Variants in ADGRV1 observed in about 807,000 individuals in gnomAD.
The protein encoded by ADGRV1 is G-protein coupled receptor 98.
In ADGRV1, 359 loss-of-function variants were observed where a neutral mutation model predicts 596.2. That is an observed-to-expected ratio of 0.60 (90% CI 0.55 to 0.66). The LOEUF (loss-of-function observed/expected upper bound fraction) is 0.66, where lower values mean the gene tolerates loss of function less well. Among genes scored for constraint, ADGRV1 ranks in the 30% least tolerant of loss-of-function variants. ADGRV1 has a pLI of 0.00. For synonymous variants in ADGRV1, 2,681 were observed against 2,679.2 expected, an observed-to-expected ratio of 1.00 and a Z score of -0.02; for missense variants, 7,274 against 7,575.6, an observed-to-expected ratio of 0.96 and a Z score of 1.48.
At chr5:90,933,694 T>G (rs766491917) in intron 83 of ADGRV1, among the ~76,000 whole-genome samples, 1 of 152,186 alleles carries the variant, frequency 6.6e-6, no homozygotes, top group Non-Finnish European at 1.5e-5. Flanking sequence ...AGGCCTCTAC[T>G]TGGTTCTCCC....
intron 83 of ADGRV1, among the ~76,000 whole-genome samples, chr5:90,928,210 A>G: frequency 6.6e-6 from 1 of 152,056 alleles, no homozygotes; most frequent in Non-Finnish European, 1.5e-5. Flanking sequence ...TCTCCTGGAT[A>G]ATATCCTGCA....
At chr5:90,932,135 C>T (rs918960706) in intron 83 of ADGRV1, among the ~76,000 whole-genome samples, 2 of 152,138 alleles carry the variant, frequency 1.3e-5, no homozygotes, top group Non-Finnish European at 2.9e-5. Flanking sequence ...ATCATTTTAG[C>T]AGGTGAGAGA....
chr5:91,122,954 C>T (rs552583860), intron 87 of ADGRV1, among the ~76,000 whole-genome samples: 1 of 152,210 alleles, frequency 6.6e-6, no homozygotes, highest in Non-Finnish European at 1.5e-5. Flanking sequence ...GCCTGTTTCT[C>T]CTACTCCTGG....
At chr5:90,985,738 A>T (rs1274145649) in intron 85 of ADGRV1, among the ~76,000 whole-genome samples, 1 of 152,202 alleles carries the variant, frequency 6.6e-6, no homozygotes, top group African/African-American at 2.4e-5. Context: ...TTGGTGTATC[A>T]AACAGTTCAT....
rs930308798 is a variant in ADGRV1, at chr5:90,681,479, C to A, written c.5664+25C>A. The A allele has an allele frequency of 2.5e-6, 4 of 1,590,802 alleles. No homozygotes were observed. The African/African-American group carries it at 5.4e-5, about 21-fold the overall frequency. On this transcript the variant is annotated intron_variant, in intron 27 of 89. Coordinates refer to ENST00000405460, the MANE Select transcript of ADGRV1 (RefSeq NM_032119.4). ...TGTGAGTACCTTTTCTTCCTTCATT[C>A]CTAGACACTTTCTGTTGTTTTAAAA... is the stretch of plus-strand genomic sequence containing the variant.
intron 61 of ADGRV1, among the ~76,000 whole-genome samples, chr5:90,776,800 T>C (rs188209832): frequency 6.6e-6 from 1 of 152,234 alleles, no homozygotes; most frequent in East Asian, 1.9e-4. Context: ...GACTCTTGAG[T>C]GATTTGCACA....
intron 10 of ADGRV1, among the ~76,000 whole-genome samples, chr5:90,636,113 T>C (rs1338572784): frequency 6.6e-6 from 1 of 152,068 alleles, no homozygotes; most frequent in Non-Finnish European, 1.5e-5. Flanking sequence ...TTTTTGCATA[T>C]AGACATACAA....
chr5:90,620,235 T>A (rs1349178630), intron 4 of ADGRV1, among the ~76,000 whole-genome samples: 1 of 152,150 alleles, frequency 6.6e-6, no homozygotes, highest in Non-Finnish European at 1.5e-5. Context: ...AAAGTGTTCC[T>A]ATTTCTCCAC....
chr5:91,106,274 A>T (rs1215343962), intron 87 of ADGRV1, among the ~76,000 whole-genome samples: 1 of 152,130 alleles, frequency 6.6e-6, no homozygotes, highest in Admixed American at 6.5e-5. Flanking sequence ...AGTTGGCTGT[A>T]GATAATGTGG....
chr5:90,603,389 G>T (rs528291900), intron 1 of ADGRV1, among the ~76,000 whole-genome samples: 1 of 152,302 alleles, frequency 6.6e-6, no homozygotes, highest in African/African-American at 2.4e-5. Flanking sequence ...AGGAGCTTGT[G>T]GATGTATGGG....
intron 1 of ADGRV1, among the ~76,000 whole-genome samples, chr5:90,604,923 C>T (rs1761885647): frequency 6.6e-6 from 1 of 152,122 alleles, no homozygotes; most frequent in African/African-American, 2.4e-5. Flanking sequence ...AATTGAAACC[C>T]ATAATCTTCT....
At chr5:91,067,788 T>C (rs1788012761) in intron 85 of ADGRV1, among the ~76,000 whole-genome samples, 1 of 152,252 alleles carries the variant, frequency 6.6e-6, no homozygotes, top group Admixed American at 6.5e-5. Context: ...AAAGCATCTT[T>C]AGGCTACTTG....
Position 90,805,330 on chromosome 5 carries a change from G to A in ADGRV1, c.14708G>A (p.Gly4903Asp). 1 of 1,612,528 alleles carries A rather than the reference G, an allele frequency of 6.2e-7. No homozygotes were observed. The highest frequency in any genetic ancestry group is 8.5e-7 in the Non-Finnish European group (1 of 1,178,904). Residue 4903 changes from glycine to aspartate, a missense_variant, in exon 72 of 90, where the codon GGC becomes GAC. This residue lies in a region of ADGRV1 where 1,874 missense variants were observed against 1,970.2 expected (regional missense o/e 0.95). Coordinates refer to ENST00000405460, the MANE Select transcript of ADGRV1 (RefSeq NM_032119.4). ...TTTCAACTCATGAACATCACTGCTG[G>A]CACAAGCCACGTTATGATTTCTAGG... ...TAFQLMNITAGTSHVMISRRG... is the reference protein window; with the variant it reads ...TAFQLMNITADTSHVMISRRG...
chr5:91,158,488 A>C (rs1466574374), intron 89 of ADGRV1, among the ~76,000 whole-genome samples: 2 of 152,228 alleles, frequency 1.3e-5, no homozygotes, highest in Non-Finnish European at 2.9e-5. Flanking sequence ...CAGATGAAAG[A>C]TCAAATTTGA....
chr5:90,980,735 A>G (rs1206182573), intron 84 of ADGRV1, among the ~76,000 whole-genome samples: 32 of 152,214 alleles, frequency 2.1e-4, no homozygotes, highest in Admixed American at 2.1e-3. Context: ...TTAGTTCCAC[A>G]TTGGATAAAC....
At chr5:91,042,931 G>GT (rs145372822) in intron 85 of ADGRV1, among the ~76,000 whole-genome samples, 156 of 148,424 alleles carry the variant, frequency 1.1e-3, no homozygotes, top group African/African-American at 3.2e-3. Flanking sequence ...ATTTCTGGGT[G>GT]TTTTTTTTTT....
In ADGRV1 at chr5:90,675,173, C is replaced by T. The variant is rs962251866; in HGVS notation, c.5111-70C>T. Reference sequence around the variant, plus strand: ...GGTGATCAAAATAATTGTGTAAGATCGCTTTAATTGAATAAGAAATTCTTG... The same window carrying T: ...GGTGATCAAAATAATTGTGTAAGATTGCTTTAATTGAATAAGAAATTCTTG... On this transcript the variant is annotated intron_variant, in intron 23 of 89. Transcript: ENST00000405460. The T allele has an allele frequency of 6.1e-5, 80 of 1,306,824 alleles. 1 individual carries two copies. The highest frequency in any genetic ancestry group is 7.7e-5 in the South Asian group (5 of 65,152). The allele number at this position is 1,306,824 out of a possible 1,614,324, so 81.0% of individuals were successfully genotyped here.
chr5:90,598,291 G>A (rs957354960), intron 1 of ADGRV1, among the ~76,000 whole-genome samples: 26 of 152,202 alleles, frequency 1.7e-4, no homozygotes, highest in African/African-American at 1.4e-4. Flanking sequence ...CACAGCCACA[G>A]CACATCAATA....
intron 84 of ADGRV1, among the ~76,000 whole-genome samples, chr5:90,971,446 A>G (rs1778977522): frequency 6.6e-6 from 1 of 152,242 alleles, no homozygotes; most frequent in South Asian, 2.1e-4. Context: ...AGGGGCAGCC[A>G]GAGAGAAAGG....
Sources: gnomAD v4.1 joint callset for allele counts (sites outside exome capture counted in the v4.1 genomes callset) on GRCh38, gnomAD v4.1.1 for gene constraint, gnomAD v4.1.1 regional missense constraint, MANE v1.5 for transcripts, NCBI Gene and HGNC (gene_info 2026-07-23, HGNC 2026-07-21) for gene names.